LRRFIP2: variants seen among roughly 807,000 people sequenced by gnomAD.
LRRFIP2 encodes leucine-rich repeat flightless-interacting protein 2.
Under a neutral mutation model 125.9 loss-of-function variants are expected in LRRFIP2, and 109 were observed. That is an observed-to-expected ratio of 0.87 (90% CI 0.74 to 1.01). LRRFIP2 has a LOEUF of 1.01. LRRFIP2 is among the 50% of genes least tolerant of loss of function. The pLI is 0.00. For missense variants in LRRFIP2, 850 were observed against 862.3 expected (o/e 0.99, Z 0.18); for synonymous variants, 291 against 293.1 (o/e 0.99, Z 0.07).
chr3:37,121,148 A>G (rs1413886609), intron 6 of LRRFIP2, among the ~76,000 whole-genome samples: 1 of 152,232 alleles, frequency 6.6e-6, no homozygotes, highest in Non-Finnish European at 1.5e-5. Flanking sequence ...ATTTTTTAAG[A>G]TATGAAAGTA....
intron 1 of LRRFIP2, among the ~76,000 whole-genome samples, chr3:37,169,555 A>C (rs1560188748): frequency 1.3e-5 from 2 of 152,256 alleles, no homozygotes; most frequent in East Asian, 3.8e-4. Flanking sequence ...TTTAACAGGG[A>C]AATAAATATT....
chr3:37,065,460 C>A, intron 23 of LRRFIP2: 1 of 430,002 alleles, frequency 2.3e-6, no homozygotes, highest in Non-Finnish European at 4.7e-6. Context: ...AAACTTATAA[C>A]ACACTTGAGA....
chr3:37,077,424 T>C (rs1292979479), intron 19 of LRRFIP2, among the ~76,000 whole-genome samples: 1 of 152,182 alleles, frequency 6.6e-6, no homozygotes, highest in African/African-American at 2.4e-5. Context: ...GCATTTATAT[T>C]AACAATATGC....
At chr3:37,130,927 A>G (rs955131969) in intron 2 of LRRFIP2, among the ~76,000 whole-genome samples, 1 of 152,246 alleles carries the variant, frequency 6.6e-6, no homozygotes, top group Non-Finnish European at 1.5e-5. Context: ...TCTTCTATCC[A>G]TGAAATTGTG....
At chr3:37,165,916 A>C (rs1166235483) in intron 1 of LRRFIP2, among the ~76,000 whole-genome samples, 1 of 152,208 alleles carries the variant, frequency 6.6e-6, no homozygotes, top group East Asian at 1.9e-4. Flanking sequence ...AAATGAGCTA[A>C]AACCATAAAA....
At chr3:37,076,019 C>A (rs1401666135) in intron 19 of LRRFIP2, among the ~76,000 whole-genome samples, 1 of 151,916 alleles carries the variant, frequency 6.6e-6, no homozygotes, top group African/African-American at 2.4e-5. Flanking sequence ...GGAACTATAC[C>A]TCATACCACA....
intron 19 of LRRFIP2, among the ~76,000 whole-genome samples, chr3:37,082,594 A>G (rs911431362): frequency 1.1e-4 from 16 of 152,158 alleles, no homozygotes; most frequent in African/African-American, 3.6e-4. Context: ...GTTTTGGACA[A>G]ATGTATCCAT....
intron 18 of LRRFIP2, among the ~76,000 whole-genome samples, chr3:37,085,534 C>G (rs553306410): frequency 2.7e-5 from 4 of 150,206 alleles, no homozygotes; most frequent in Admixed American, 2.6e-4. Flanking sequence ...AACAAACAAA[C>G]AAACAAAAAG....
chr3:37,110,310 T>C (rs2094503118), intron 9 of LRRFIP2, among the ~76,000 whole-genome samples: 1 of 152,240 alleles, frequency 6.6e-6, no homozygotes, highest in Admixed American at 6.5e-5. Context: ...AGGAATTAAA[T>C]CTTGCTTTTC....
chr3:37,148,836 G>A (rs113689894), intron 2 of LRRFIP2, 58 bp downstream of exon 2: 39,680 of 1,590,854 alleles, frequency 0.025, 600 homozygotes, highest in Middle Eastern at 0.046. Context: ...CTGTCAAATC[G>A]GCATTTTTAC....
At chr3:37,076,042 T>C (rs548978321) in intron 19 of LRRFIP2, among the ~76,000 whole-genome samples, 1 of 152,054 alleles carries the variant, frequency 6.6e-6, no homozygotes, top group Admixed American at 6.5e-5. Context: ...CCAGGACAAA[T>C]TCCAAATCAA....
At chr3:37,107,018 C>A (rs2094359343) in intron 13 of LRRFIP2, among the ~76,000 whole-genome samples, 1 of 151,692 alleles carries the variant, frequency 6.6e-6, no homozygotes, top group South Asian at 2.1e-4. Flanking sequence ...AATTCTCCTG[C>A]CTCAGCCTCC....
intron 23 of LRRFIP2, chr3:37,065,204 G>A: frequency 5.6e-6 from 1 of 178,830 alleles, no homozygotes; most frequent in South Asian, 1.3e-4. Context: ...CAATGGATGG[G>A]TGACTTTGAT....
At chr3:37,135,545 T>C (rs895743701) in intron 2 of LRRFIP2, among the ~76,000 whole-genome samples, 3 of 151,930 alleles carry the variant, frequency 2.0e-5, no homozygotes, top group Non-Finnish European at 2.9e-5. Flanking sequence ...TCCTTTACCA[T>C]CATAATTTTG....
At chr3:37,098,168 CTT>C (rs970025776) in intron 15 of LRRFIP2, among the ~76,000 whole-genome samples, 10 of 151,956 alleles carry the variant, frequency 6.6e-5, no homozygotes, top group East Asian at 1.9e-4. Context: ...ACATTTAACT[CTT>C]TGTTACTTCT....
intron 21 of LRRFIP2, among the ~76,000 whole-genome samples, chr3:37,069,429 A>G (rs948168047): frequency 2.0e-5 from 3 of 152,222 alleles, no homozygotes; most frequent in African/African-American, 7.2e-5. Context: ...CTGCAAAATG[A>G]ACCTTGAGGG....
chr3:37,151,940 A>G (rs2096042524), intron 1 of LRRFIP2, among the ~76,000 whole-genome samples: 1 of 152,160 alleles, frequency 6.6e-6, no homozygotes. Context: ...TAGAACTACC[A>G]TTTGATTCAG....
At chr3:37,076,857 A>G (rs1385061631) in intron 19 of LRRFIP2, among the ~76,000 whole-genome samples, 1 of 152,178 alleles carries the variant, frequency 6.6e-6, no homozygotes, top group African/African-American at 2.4e-5. Context: ...CAGGAGCGAA[A>G]CTCTGTCTTA....
chr3:37,116,299 A>AT lies in LRRFIP2; in HGVS notation c.331-1205dup, dbSNP rs35875604. Among the ~76,000 whole-genome samples, 360 of 147,408 alleles carry AT rather than the reference A, an allele frequency of 2.4e-3. 5 individuals carry two copies. The highest frequency in any genetic ancestry group is 8.3e-3 in the African/African-American group (326 of 39,424). On this transcript the variant is annotated intron_variant, in intron 6 of 27. Transcript: ENST00000336686. ...AGGAACATGCCACCATACTTACCTA[A>AT]TTTTTTTTTTTTTAATTTTAGGAGA...
Sources: allele counts gnomAD v4.1 joint callset (sites outside exome capture counted in the v4.1 genomes callset), GRCh38; gene constraint gnomAD v4.1.1; transcripts MANE v1.5; gene names NCBI Gene and HGNC (gene_info 2026-07-23, HGNC 2026-07-21).